RP1: variants seen among roughly 807,000 people sequenced by gnomAD.
The protein encoded by RP1 is RP1 axonemal microtubule associated, also known as oxygen-regulated protein 1.
Under a neutral mutation model 14.8 loss-of-function variants are expected in RP1, and 16 were observed. The observed-to-expected ratio is 1.08, with a 90% CI of 0.73 to 1.65. The LOEUF is 1.65. Among genes scored for constraint, RP1 ranks in the 40% most tolerant of loss-of-function variants. The probability of loss-of-function intolerance (pLI) is 0.00; values close to 1 mark genes in which losing one functional copy is unlikely to be tolerated. For missense variants in RP1, 2,631 were observed against 2,535.0 expected, an observed-to-expected ratio of 1.04 and a Z score of -0.81; for synonymous variants, 876 against 883.6, an observed-to-expected ratio of 0.99 and a Z score of 0.15.
chr8:54,577,371 T>C (rs1177793272), intron 1 of RP1, among the ~76,000 whole-genome samples: 1 of 152,298 alleles, frequency 6.6e-6, no homozygotes, highest in Admixed American at 6.5e-5. Flanking sequence ...CTGCCTATTT[T>C]TGGTGTAAAA....
chr8:54,753,937 A>G (rs1366722901), intron 19 of RP1, among the ~76,000 whole-genome samples: 3 of 152,220 alleles, frequency 2.0e-5, no homozygotes, highest in African/African-American at 7.2e-5. Context: ...GAGGAGGGAC[A>G]GGGACTTATT....
intron 1 of RP1, 64 bp downstream of exon 1, chr8:54,616,266 T>C (rs1250925134): frequency 6.6e-6 from 1 of 152,254 alleles, no homozygotes; most frequent in Non-Finnish European, 1.5e-5. Context: ...TTGTATTTTG[T>C]TTTCCATGTT....
intron 25 of RP1, among the ~76,000 whole-genome samples, chr8:54,847,211 G>A (rs1811944746): frequency 1.3e-5 from 2 of 152,116 alleles, no homozygotes; most frequent in South Asian, 4.2e-4. Flanking sequence ...AAAAGAGAGA[G>A]ATTTTTTCAA....
chr8:54,869,820 ATCT>A (rs1414516359), intron 28 of RP1: 2 of 1,071,250 alleles, frequency 1.9e-6, no homozygotes, highest in Non-Finnish European at 2.4e-6. Flanking sequence ...CATATTAATT[ATCT>A]TCTTTTTTTT....
intron 21 of RP1, chr8:54,755,818 G>A (rs1809493314): frequency 7.2e-7 from 1 of 1,386,908 alleles, no homozygotes; most frequent in Non-Finnish European, 9.4e-7. Context: ...TCTCTCTGAA[G>A]ATGGCCACAT....
intron 27 of RP1, among the ~76,000 whole-genome samples, chr8:54,863,590 G>C (rs1812398451): frequency 6.6e-6 from 1 of 152,182 alleles, no homozygotes; most frequent in South Asian, 2.1e-4. Flanking sequence ...ATCATCAATT[G>C]TACTACCACT....
intron 25 of RP1, among the ~76,000 whole-genome samples, chr8:54,840,255 T>C (rs902798885): frequency 8.6e-5 from 13 of 151,540 alleles, no homozygotes; most frequent in African/African-American, 3.2e-4. Context: ...ATGGCTGCAT[T>C]ATTATTATTA....
In RP1 at chr8:54,626,443, GT is replaced by G. The variant is rs1434495676; in HGVS notation, c.2564del (p.Leu855Ter). 1 of 1,613,700 alleles carries G rather than the reference GT, an allele frequency of 6.2e-7. No homozygotes were observed. The highest frequency in any genetic ancestry group is 1.7e-5 in the Admixed American group (1 of 59,982). On this transcript the variant is annotated frameshift_variant, in exon 4 of 4. Transcript: ENST00000220676. LOFTEE classifies it low-confidence loss of function (END_TRUNC). Reference sequence around the variant, plus strand: ...TATTTGAGAGGAATGGCAAAGAAGAGTTTAGTTTCAAAAGTTACTGATTCAC... The same window carrying G: ...TATTTGAGAGGAATGGCAAAGAAGAGTTAGTTTCAAAAGTTACTGATTCAC... ...SGYLRGMAKK[S>X]LVSKVTDSHI...
chr8:54,824,029 T>A (rs1187710332), intron 24 of RP1, among the ~76,000 whole-genome samples: 1 of 152,214 alleles, frequency 6.6e-6, no homozygotes, highest in Non-Finnish European at 1.5e-5. Context: ...TTTGCATTTC[T>A]CTAATGCAAA....
Position 54,625,563 on chromosome 8 carries a change from T to A in RP1, c.1681T>A (p.Ser561Thr). Residue 561 changes from serine to threonine, a missense_variant, in exon 4 of 4, where the codon TCA becomes ACA. By Grantham distance (58) the Ser-to-Thr change is moderately conservative. Transcript: ENST00000220676. ...EITSQKMLEM[S>T]HNNGLPSTIS... is the part of the protein sequence containing the mutation. ...TACAAGTCAGAAGATGTTAGAGATG[T>A]CACATAATAATGGTTTGCCATCAAC... 1.2e-6 allele frequency: 2 copies of A among 1,614,082 alleles called. No homozygotes were observed. Among genetic ancestry groups the A allele is most frequent in the Non-Finnish European group, 1.7e-6 (2 of 1,180,004 alleles).
At chr8:54,674,230 G>A (rs1363204239) in intron 8 of RP1, among the ~76,000 whole-genome samples, 2 of 152,114 alleles carry the variant, frequency 1.3e-5, no homozygotes, top group Non-Finnish European at 2.9e-5. Context: ...TGGCATTCCA[G>A]CATGGTAGTT....
intron 3 of RP1, among the ~76,000 whole-genome samples, chr8:54,644,128 A>G (rs1806500886): frequency 6.6e-6 from 1 of 152,200 alleles, no homozygotes; most frequent in African/African-American, 2.4e-5. Context: ...CTAGAAAACA[A>G]ATTATTTGTT....
In RP1 at chr8:54,626,988, A is replaced by G; in HGVS notation, c.3106A>G (p.Thr1036Ala). 6.2e-7 allele frequency: 1 copy of G among 1,614,040 alleles called. No individual in the cohort carries two copies. Among genetic ancestry groups the G allele is most frequent in the Non-Finnish European group, 8.5e-7 (1 of 1,179,960 alleles). ...LSQSAINDHN[T>A]KSHIAAEKSG... is the part of the protein sequence containing the mutation. Reference sequence around the variant, plus strand: ...ACAGTCAGCTATTAATGATCATAATACTAAAAGTCATATAGCTGCTGAAAA... The same window carrying G: ...ACAGTCAGCTATTAATGATCATAATGCTAAAAGTCATATAGCTGCTGAAAA... The change falls in exon 4 of 4, where the codon ACT becomes GCT. Residue 1036 changes from threonine (T) to alanine (A), a missense_variant. Coordinates refer to ENST00000220676, the MANE Select transcript of RP1 (RefSeq NM_006269.2).
intron 1 of RP1, among the ~76,000 whole-genome samples, chr8:54,595,302 T>C (rs1460604164): frequency 6.6e-6 from 1 of 152,100 alleles, no homozygotes; most frequent in African/African-American, 2.4e-5. Context: ...GATAATTTTT[T>C]GTATTTTTAG....
At chr8:54,671,889 A>G (rs1807189158) in intron 7 of RP1, among the ~76,000 whole-genome samples, 2 of 152,004 alleles carry the variant, frequency 1.3e-5, no homozygotes, top group African/African-American at 4.8e-5. Context: ...TCTTCTTTGT[A>G]GGCTTTGTGA....
chr8:54,599,937 C>T (rs1352574325), intron 1 of RP1, among the ~76,000 whole-genome samples: 2 of 152,194 alleles, frequency 1.3e-5, no homozygotes, highest in East Asian at 3.9e-4. Flanking sequence ...CTCCTCTTTA[C>T]TACCAGATGT....
At chr8:54,713,251 A>G (rs1419677319) in intron 15 of RP1, among the ~76,000 whole-genome samples, 4 of 152,318 alleles carry the variant, frequency 2.6e-5, no homozygotes, top group East Asian at 1.9e-4. Flanking sequence ...TTTATCTTGT[A>G]TAAGTAAATC....
At chr8:54,843,877 C>T (rs930081977) in intron 25 of RP1, among the ~76,000 whole-genome samples, 3 of 152,178 alleles carry the variant, frequency 2.0e-5, no homozygotes, top group Admixed American at 2.0e-4. Context: ...TTAGTGTTAC[C>T]TAGGCGCTTT....
rs1005625473 is a variant in RP1 at position 54,790,259 on chromosome 8, A to T, written c.3615+6549A>T. On this transcript the variant is annotated intron_variant, in intron 24 of 28. Coordinates refer to the RP1 transcript ENST00000637698. ...GGGCAGATGTCTTGCCCAATTGGAG[A>T]CCTTAACAGAAAGCATAACCTACCT... is the stretch of plus-strand genomic sequence containing the variant. Among the ~76,000 whole-genome samples the T allele has an allele frequency of 2.6e-5, 4 of 152,248 alleles. 1 individual carries two copies. The East Asian group carries it at 5.8e-4, about 22-fold the overall frequency.
Sources: allele counts gnomAD v4.1 joint callset (sites outside exome capture counted in the v4.1 genomes callset), GRCh38; gene constraint gnomAD v4.1.1; transcripts MANE v1.5; gene names NCBI Gene and HGNC (gene_info 2026-07-23, HGNC 2026-07-21).